CHSY3: variants seen among roughly 807,000 people sequenced by gnomAD.
CHSY3 encodes the protein N-acetylgalactosaminyl-proteoglycan 3-beta-glucuronosyltransferase 3.
In CHSY3, 35 loss-of-function variants were observed where a neutral mutation model predicts 67.2. That is an observed-to-expected ratio of 0.52 (90% CI 0.40 to 0.69). The LOEUF (loss-of-function observed/expected upper bound fraction) is 0.69, where lower values mean the gene tolerates loss of function less well. Ranked by LOEUF, CHSY3 falls within the 30% of genes least tolerant of loss-of-function variation. The probability of loss-of-function intolerance (pLI) is 0.00; values close to 1 mark genes in which losing one functional copy is unlikely to be tolerated. For missense variants in CHSY3, 1,069 were observed against 1,138.5 expected, an observed-to-expected ratio of 0.94 and a Z score of 0.88; for synonymous variants, 474 against 434.7, an observed-to-expected ratio of 1.09 and a Z score of -1.12.
chr5:130,107,646 C>A (rs576356479), intron 2 of CHSY3, among the ~76,000 whole-genome samples: 2 of 151,548 alleles, frequency 1.3e-5, no homozygotes, highest in Non-Finnish European at 3.0e-5. Flanking sequence ...TGTTTATTGT[C>A]AAAATCTGTT....
At chr5:129,922,908 G>A (rs1397119360) in intron 2 of CHSY3, among the ~76,000 whole-genome samples, 14 of 152,186 alleles carry the variant, frequency 9.2e-5, no homozygotes, top group Admixed American at 9.2e-4. Flanking sequence ...AATCTTTCTG[G>A]ATGATTCTAA....
At chr5:129,999,271 T>C (rs1474398410) in intron 2 of CHSY3, among the ~76,000 whole-genome samples, 2 of 152,076 alleles carry the variant, frequency 1.3e-5, no homozygotes, top group East Asian at 1.9e-4. Context: ...TTGTGAAAAT[T>C]GAATGGAAAA....
chr5:130,149,190 T>C (rs1351176513), intron 2 of CHSY3, among the ~76,000 whole-genome samples: 1 of 152,170 alleles, frequency 6.6e-6, no homozygotes, highest in African/African-American at 2.4e-5. Context: ...TTTTCAGGTA[T>C]CTTTATAGCA....
chr5:129,968,661 G>C (rs1302836930), intron 2 of CHSY3, among the ~76,000 whole-genome samples: 1 of 151,700 alleles, frequency 6.6e-6, no homozygotes, highest in Non-Finnish European at 1.5e-5. Flanking sequence ...CACTTTGATG[G>C]GTCAGAAGCA....
intron 2 of CHSY3, chr5:130,002,122 G>T: frequency 1.1e-6 from 1 of 940,936 alleles, no homozygotes; most frequent in Non-Finnish European, 1.3e-6. Flanking sequence ...CTGTGTCTCT[G>T]TGTGTTGTCC....
intron 2 of CHSY3, among the ~76,000 whole-genome samples, chr5:129,968,887 T>TC (rs1762546486): frequency 6.6e-6 from 1 of 151,812 alleles, no homozygotes; most frequent in Non-Finnish European, 1.5e-5. Flanking sequence ...TTGGCTCCAC[T>TC]CCACAGTTAA....
intron 2 of CHSY3, among the ~76,000 whole-genome samples, chr5:129,985,595 G>T (rs1214077540): frequency 6.6e-6 from 1 of 151,784 alleles, no homozygotes; most frequent in Non-Finnish European, 1.5e-5. Flanking sequence ...GAATAGCATT[G>T]AATCTGTAAA....
At chr5:130,045,471 G>T (rs1765119751) in intron 2 of CHSY3, among the ~76,000 whole-genome samples, 1 of 152,020 alleles carries the variant, frequency 6.6e-6, no homozygotes, top group Admixed American at 6.6e-5. Flanking sequence ...AACGCACAGG[G>T]GATGAAAGTC....
chr5:130,184,280 C>T lies in CHSY3; in HGVS notation c.1138C>T (p.Gln380Ter), dbSNP rs144535982. 2 of 1,612,898 alleles carry T rather than the reference C, an allele frequency of 1.2e-6. No individual in the cohort carries two copies. Among genetic ancestry groups the T allele is most frequent in the Non-Finnish European group, 8.5e-7 (1 of 1,179,448 alleles). ...NYEHNRKGYI[Q>*]DLHNSKIHAA... ...TGAACACAATCGGAAGGGTTACATC[C>T]AAGACCTTCACAATAGCAAAATCCA... The change falls in exon 3 of 3, where the codon CAA becomes TAA. Residue 380 changes from glutamine to a stop codon, truncating the protein, a stop_gained. Transcript: ENST00000305031. LOFTEE classifies it high-confidence loss of function.
chr5:130,092,904 T>G (rs1766926181), intron 2 of CHSY3, among the ~76,000 whole-genome samples: 1 of 152,172 alleles, frequency 6.6e-6, no homozygotes, highest in African/African-American at 2.4e-5. Flanking sequence ...GGTAGTCAGT[T>G]AGGCAATCAT....
At position 129,970,872 on chromosome 5, in the gene CHSY3, T is replaced by G. The variant is rs1762622738; in HGVS notation, c.1086+62512T>G. On this transcript the variant is annotated intron_variant, in intron 2 of 2. Coordinates refer to ENST00000305031, the MANE Select transcript of CHSY3 (RefSeq NM_175856.5). ...TATGTGTGATAACATTGGGGAAACA[T>G]GAGTTACTGTTTATAACTCTAAATT... Among the ~76,000 whole-genome samples, 3 of 151,940 alleles carry G rather than the reference T, an allele frequency of 2.0e-5. No individual in the cohort carries two copies. In the South Asian group the frequency reaches 6.2e-4, roughly 31 times the overall value.
At position 130,106,162 on chromosome 5, in the gene CHSY3, C is replaced by T. The variant is rs74341817; in HGVS notation, c.1087-78067C>T. ...CCAATTATGTTATTTTACTGTACCA[C>T]GTGATACATTTGTAATATAAATTCT... On this transcript the variant is annotated intron_variant, in intron 2 of 2. Transcript: ENST00000305031. 3.3e-5 allele frequency among the ~76,000 whole-genome samples: 5 copies of T among 151,518 alleles called. No homozygotes were observed. In the East Asian group the frequency reaches 5.8e-4, roughly 18 times the overall value.
intron 2 of CHSY3, among the ~76,000 whole-genome samples, chr5:130,008,798 C>A (rs566333771): frequency 2.0e-5 from 3 of 152,110 alleles, no homozygotes; most frequent in African/African-American, 7.2e-5. Context: ...GAAAAACTCA[C>A]TACAAGAAAT....
At chr5:130,121,609 G>T (rs537518033) in intron 2 of CHSY3, among the ~76,000 whole-genome samples, 2 of 152,090 alleles carry the variant, frequency 1.3e-5, no homozygotes, top group African/African-American at 4.8e-5. Flanking sequence ...TATAATATTT[G>T]TGTACTCTGA....
At chr5:130,102,882 G>C (rs939612838) in intron 2 of CHSY3, among the ~76,000 whole-genome samples, 4 of 151,996 alleles carry the variant, frequency 2.6e-5, no homozygotes, top group African/African-American at 9.7e-5. Flanking sequence ...CTAACAGCTT[G>C]TTCTCTAAGG....
At position 130,068,985 on chromosome 5, in the gene CHSY3, T is replaced by C. The variant is rs553206612; in HGVS notation, c.1087-115244T>C. On this transcript the variant is annotated intron_variant, in intron 2 of 2. Transcript: ENST00000305031. ...GAATAAATGGGTGGAGTACTCAAAA[T>C]ATATATGTATTTCATTGTGTTTGTA... Among the ~76,000 whole-genome samples, 44 of 152,132 alleles carry C rather than the reference T, an allele frequency of 2.9e-4. 2 individuals carry two copies. In the Middle Eastern group the frequency reaches 0.037, roughly 129 times the overall value.
rs888112576 is a variant in CHSY3, at chr5:130,133,045, T to A, written c.1087-51184T>A. ...ATTATACTATTATACTATAGGGGCA[T>A]AAGAAATGCCATGCCTCGTTGGAAA... On this transcript the variant is annotated intron_variant, in intron 2 of 2. Transcript: ENST00000305031. Among the ~76,000 whole-genome samples, 11 of 152,306 alleles carry A rather than the reference T, an allele frequency of 7.2e-5. No homozygotes were observed. In the East Asian group the frequency reaches 1.9e-3, roughly 27 times the overall value.
intron 2 of CHSY3, among the ~76,000 whole-genome samples, chr5:130,053,598 C>T (rs563472712): frequency 1.2e-4 from 19 of 152,208 alleles, no homozygotes; most frequent in Admixed American, 5.9e-4. Context: ...ATGTGATACC[C>T]TTATCTTTAT....
intron 2 of CHSY3, among the ~76,000 whole-genome samples, chr5:129,924,444 AAGACC>A (rs1761028862): frequency 6.6e-6 from 1 of 151,990 alleles, no homozygotes; most frequent in Non-Finnish European, 1.5e-5. Flanking sequence ...TCAAGAGACC[AAGACC>A]ATCCTGGCCA....
Sources: allele counts gnomAD v4.1 joint callset (sites outside exome capture counted in the v4.1 genomes callset), GRCh38; gene constraint gnomAD v4.1.1; transcripts MANE v1.5; gene names NCBI Gene and HGNC (gene_info 2026-07-23, HGNC 2026-07-21).